Variants in SPATA16 observed in about 807,000 individuals in gnomAD.
SPATA16 encodes spermatogenesis-associated protein 16.
A neutral mutation model predicts 63.3 loss-of-function variants in SPATA16; 36 were observed. The observed-to-expected ratio is 0.57, with a 90% CI of 0.44 to 0.75. The LOEUF is 0.75. Among genes scored for constraint, SPATA16 ranks in the 30% least tolerant of loss-of-function variants. SPATA16 has a pLI of 0.00. For missense variants in SPATA16, 646 were observed against 679.3 expected, an observed-to-expected ratio of 0.95 and a Z score of 0.54; for synonymous variants, 203 against 216.7, an observed-to-expected ratio of 0.94 and a Z score of 0.56.
intron 10 of SPATA16, among the ~76,000 whole-genome samples, chr3:172,907,217 C>G (rs969512496): frequency 2.6e-5 from 4 of 152,128 alleles, no homozygotes; most frequent in Non-Finnish European, 5.9e-5. Flanking sequence ...CACAGGTCCC[C>G]AAATTGCTAG....
chr3:173,115,236 A>G (rs1488125671), intron 2 of SPATA16, among the ~76,000 whole-genome samples: 2 of 152,370 alleles, frequency 1.3e-5, no homozygotes, highest in Admixed American at 1.3e-4. Context: ...CATTTAATGC[A>G]GATGTCTTTT....
At chr3:173,107,208 A>G (rs1737640413) in intron 2 of SPATA16, among the ~76,000 whole-genome samples, 1 of 152,134 alleles carries the variant, frequency 6.6e-6, no homozygotes, top group Admixed American at 6.6e-5. Flanking sequence ...GTAGTGACTT[A>G]ATAAACTGTG....
At chr3:172,959,269 G>A (rs971802232) in intron 5 of SPATA16, among the ~76,000 whole-genome samples, 1 of 152,296 alleles carries the variant, frequency 6.6e-6, no homozygotes, top group South Asian at 2.1e-4. Context: ...GGTAAGACTC[G>A]TGCCCAAGAA....
At chr3:173,103,304 C>G (rs373116653) in intron 2 of SPATA16, among the ~76,000 whole-genome samples, 1 of 152,342 alleles carries the variant, frequency 6.6e-6, no homozygotes, top group East Asian at 1.9e-4. Context: ...CCAGTAGGAA[C>G]TCTGTGTGGG....
At chr3:172,969,974 C>T (rs1349836893) in intron 5 of SPATA16, among the ~76,000 whole-genome samples, 1 of 152,176 alleles carries the variant, frequency 6.6e-6, no homozygotes, top group Non-Finnish European at 1.5e-5. Context: ...TTGGACCTCT[C>T]TGCAGCTTGG....
intron 4 of SPATA16, among the ~76,000 whole-genome samples, chr3:173,016,824 G>A (rs1468928119): frequency 6.6e-6 from 1 of 152,106 alleles, no homozygotes; most frequent in African/African-American, 2.4e-5. Flanking sequence ...GACCAGCCTG[G>A]CCAACACGGT....
chr3:173,115,966 CA>C lies in SPATA16; in HGVS notation c.612+1153del, dbSNP rs1371365905. On this transcript the variant is annotated intron_variant, in intron 2 of 10. Transcript: ENST00000351008. ...GGAATGCAGTGGTGTAATTATAGCA[CA>C]CTGCACTCTCGACCTCTTGGGCTCA... 5.9e-5 allele frequency among the ~76,000 whole-genome samples: 9 copies of C among 151,568 alleles called. No homozygotes were observed. In the East Asian group the frequency reaches 1.8e-3, roughly 29 times the overall value.
At chr3:173,026,406 T>C (rs921473037) in intron 3 of SPATA16, among the ~76,000 whole-genome samples, 1 of 151,932 alleles carries the variant, frequency 6.6e-6, no homozygotes, top group South Asian at 2.1e-4. Context: ...ATATTCTCAA[T>C]AGTTTCTTTT....
At chr3:172,942,460 C>T (rs1733176790) in intron 6 of SPATA16, among the ~76,000 whole-genome samples, 1 of 152,054 alleles carries the variant, frequency 6.6e-6, no homozygotes, top group African/African-American at 2.4e-5. Context: ...AAAACGTTAA[C>T]ATTAAGGTGA....
chr3:173,127,639 C>A (rs562933436), intron 1 of SPATA16, among the ~76,000 whole-genome samples: 1 of 152,196 alleles, frequency 6.6e-6, no homozygotes, highest in African/African-American at 2.4e-5. Flanking sequence ...TCAGGTTAAG[C>A]GGCCTCAGCC....
chr3:172,992,965 G>A (rs1734612920), intron 4 of SPATA16, among the ~76,000 whole-genome samples: 1 of 152,094 alleles, frequency 6.6e-6, no homozygotes, highest in Non-Finnish European at 1.5e-5. Flanking sequence ...ACAATCTTTT[G>A]AGCAATTACA....
At chr3:172,892,627 T>A (rs1385024710) in intron 10 of SPATA16, among the ~76,000 whole-genome samples, 2 of 152,194 alleles carry the variant, frequency 1.3e-5, no homozygotes, top group Non-Finnish European at 2.9e-5. Context: ...CTTTTTTTTA[T>A]GTCAAGGAAA....
At chr3:172,946,568 G>A (rs1733293651) in intron 6 of SPATA16, among the ~76,000 whole-genome samples, 1 of 152,100 alleles carries the variant, frequency 6.6e-6, no homozygotes, top group African/African-American at 2.4e-5. Flanking sequence ...CTAGCCATGA[G>A]CCTGGGTAGC....
intron 4 of SPATA16, among the ~76,000 whole-genome samples, chr3:173,001,552 C>T (rs1392614097): frequency 1.3e-5 from 2 of 152,110 alleles, no homozygotes; most frequent in Non-Finnish European, 2.9e-5. Context: ...TTAAGCGTCA[C>T]CTCTCATTTG....
intron 4 of SPATA16, among the ~76,000 whole-genome samples, chr3:173,003,471 G>A (rs973345018): frequency 6.6e-6 from 1 of 152,210 alleles, no homozygotes; most frequent in Non-Finnish European, 1.5e-5. Context: ...ACAAAGTCCA[G>A]ATTTGCTGCT....
intron 6 of SPATA16, among the ~76,000 whole-genome samples, chr3:172,949,253 G>C (rs1387773157): frequency 7.0e-6 from 1 of 142,236 alleles, no homozygotes; most frequent in East Asian, 1.9e-4. Flanking sequence ...AAATAAATGG[G>C]CTGGATGGGG....
chr3:172,940,012 G>A (rs1273280747), intron 6 of SPATA16, among the ~76,000 whole-genome samples: 5 of 152,110 alleles, frequency 3.3e-5, no homozygotes, highest in Non-Finnish European at 7.4e-5. Flanking sequence ...TAAAAGTTGG[G>A]GTTTGGAGAC....
intron 1 of SPATA16, among the ~76,000 whole-genome samples, chr3:173,127,022 G>A (rs1456907172): frequency 6.6e-6 from 1 of 152,298 alleles, no homozygotes; most frequent in South Asian, 2.1e-4. Context: ...CTACTGAGAG[G>A]TGGGAAGTGC....
intron 3 of SPATA16, among the ~76,000 whole-genome samples, chr3:173,034,725 T>C (rs949957705): frequency 1.3e-5 from 2 of 152,138 alleles, no homozygotes; most frequent in Admixed American, 6.6e-5. Context: ...TATAGTATAG[T>C]TTGAAAGTTT....
Sources: allele counts gnomAD v4.1 joint callset (sites outside exome capture counted in the v4.1 genomes callset), GRCh38; gene constraint gnomAD v4.1.1; transcripts MANE v1.5; gene names NCBI Gene and HGNC (gene_info 2026-07-23, HGNC 2026-07-21).